Variants in AFF3 observed in about 807,000 individuals in gnomAD.
AFF3 encodes the protein AF4/FMR2 family member 3.
A neutral mutation model predicts 129.7 loss-of-function variants in AFF3; 32 were observed. That is an observed-to-expected ratio of 0.25 (90% CI 0.19 to 0.33). The LOEUF is 0.33. AFF3 is among the 10% of genes least tolerant of loss of function. The pLI is 1.00. For missense variants in AFF3, 1,373 were observed against 1,592.0 expected (o/e 0.86, Z 2.34); for synonymous variants, 644 against 635.4 (o/e 1.01, Z -0.20).
At chr2:99,902,933 C>A (rs1036134746) in intron 7 of AFF3, among the ~76,000 whole-genome samples, 2 of 152,054 alleles carry the variant, frequency 1.3e-5, no homozygotes, top group Admixed American at 6.5e-5. Context: ...TCAAATTTTT[C>A]TTTCTCTTTT....
chr2:100,043,598 T>TA lies in AFF3; in HGVS notation c.54-34667dup, dbSNP rs201632593. The stretch of plus-strand genomic sequence containing the variant: ...AGATGAAGGAAAAAATAGCTGCATT[T>TA]AAAAAAAAAGTTTCATAATGCAGGA... On this transcript the variant is annotated intron_variant, in intron 4 of 24. Coordinates refer to ENST00000672756, the MANE Select transcript of AFF3 (RefSeq NM_001386135.1). Among the ~76,000 whole-genome samples the TA allele has an allele frequency of 6.7e-4, 102 of 151,672 alleles. 2 individuals carry two copies. In the East Asian group the frequency reaches 0.012, roughly 17 times the overall value.
At chr2:100,048,360 C>T (rs1686008896) in intron 4 of AFF3, among the ~76,000 whole-genome samples, 2 of 152,218 alleles carry the variant, frequency 1.3e-5, no homozygotes, top group South Asian at 4.1e-4. Context: ...CCTGTTATCA[C>T]AAGCTTCATT....
intron 12 of AFF3, among the ~76,000 whole-genome samples, chr2:99,666,206 A>T (rs943795996): frequency 6.6e-6 from 1 of 152,218 alleles, no homozygotes. Context: ...TGAATAAGAT[A>T]CACGGTGAAA....
chr2:100,006,548 G>C (rs908066079), intron 7 of AFF3, 84 bp downstream of exon 7: 3 of 1,464,394 alleles, frequency 2.0e-6, no homozygotes, highest in Non-Finnish European at 2.7e-6. Context: ...TGAAAAAAAA[G>C]AAACATGGAA....
chr2:99,710,582 A>C (rs1677802382), intron 11 of AFF3, among the ~76,000 whole-genome samples: 1 of 152,142 alleles, frequency 6.6e-6, no homozygotes, highest in African/African-American at 2.4e-5. Context: ...ATCATGATAT[A>C]CCAACACCTG....
chr2:99,565,582 T>C lies in AFF3; in HGVS notation c.3024A>G (p.Ala1008=). The change falls in exon 20 of 25, where the codon GCA becomes GCG. Residue 1008 remains alanine, a synonymous_variant. Coordinates refer to ENST00000672756, the MANE Select transcript of AFF3 (RefSeq NM_001386135.1). ...CATTTCCACACTCGATAAACGACAATGCTGCTTCAGCATAGTTCAAAGCCT... is the reference window on the plus strand; with the variant it reads ...CATTTCCACACTCGATAAACGACAACGCTGCTTCAGCATAGTTCAAAGCCT... The part of the protein sequence containing the change: ...FGKALNYAEA[A]LSFIECGNAM... 6.2e-7 allele frequency: 1 copy of C among 1,614,246 alleles called. No individual in the cohort carries two copies. Among genetic ancestry groups the C allele is most frequent in the Non-Finnish European group, 8.5e-7 (1 of 1,180,044 alleles).
intron 14 of AFF3, among the ~76,000 whole-genome samples, chr2:99,598,517 C>T (rs1679510763): frequency 6.6e-6 from 1 of 152,210 alleles, no homozygotes. Flanking sequence ...GCTCTCAACA[C>T]ACACAGCCAG....
chr2:99,895,535 A>G (rs986636059), intron 7 of AFF3, among the ~76,000 whole-genome samples: 1 of 152,166 alleles, frequency 6.6e-6, no homozygotes, highest in Admixed American at 6.5e-5. Flanking sequence ...TCAGTTTTAT[A>G]AAGAGGCCAC....
intron 1 of AFF3, among the ~76,000 whole-genome samples, chr2:100,139,087 G>T (rs943860808): frequency 1.3e-5 from 2 of 152,174 alleles, no homozygotes; most frequent in Non-Finnish European, 2.9e-5. Context: ...ATGAAGGGCG[G>T]AAGGGAAGTG....
chr2:100,006,387 CCTAA>C (rs946206918), intron 7 of AFF3: 18 of 414,360 alleles, frequency 4.3e-5, no homozygotes, highest in Non-Finnish European at 6.3e-5. Context: ...ACATTCCTTC[CCTAA>C]CTAATACATA....
chr2:99,733,840 T>C (rs571237704), intron 10 of AFF3, among the ~76,000 whole-genome samples: 1 of 152,338 alleles, frequency 6.6e-6, no homozygotes, highest in South Asian at 2.1e-4. Flanking sequence ...AGCTTTAATA[T>C]ATATTTAAAA....
intron 8 of AFF3, among the ~76,000 whole-genome samples, chr2:99,821,937 A>G (rs1384032468): frequency 6.6e-6 from 1 of 152,138 alleles, no homozygotes; most frequent in East Asian, 1.9e-4. Context: ...ACAACCTTTC[A>G]TTTCCCCAAG....
intron 7 of AFF3, among the ~76,000 whole-genome samples, chr2:99,875,506 T>C (rs753196852): frequency 6.6e-6 from 1 of 152,212 alleles, no homozygotes; most frequent in Non-Finnish European, 1.5e-5. Context: ...GGTAGAGACC[T>C]TGCATTTTTG....
chr2:99,629,612 T>C (rs533074925), intron 13 of AFF3, among the ~76,000 whole-genome samples: 8 of 152,186 alleles, frequency 5.3e-5, no homozygotes, highest in Non-Finnish European at 1.2e-4. Flanking sequence ...CTCAGTCGGT[T>C]TGGGCTGGCT....
chr2:99,576,515 C>CAAAA (rs776848009), intron 18 of AFF3, among the ~76,000 whole-genome samples: 3 of 63,094 alleles, frequency 4.8e-5, no homozygotes, highest in African/African-American at 1.2e-4. Context: ...GACCCTGTCT[C>CAAAA]AAAAAAAAAA....
chr2:100,026,529 C>T (rs761599484), intron 4 of AFF3, among the ~76,000 whole-genome samples: 3 of 152,024 alleles, frequency 2.0e-5, no homozygotes, highest in Non-Finnish European at 2.9e-5. Context: ...ACTATTTGAT[C>T]CTGCAATCCC....
chr2:99,857,666 T>G (rs965485628), intron 7 of AFF3, among the ~76,000 whole-genome samples: 4 of 152,238 alleles, frequency 2.6e-5, no homozygotes, highest in Non-Finnish European at 4.4e-5. Context: ...CTGTGTCTGA[T>G]GGTGAAGGAT....
chr2:99,966,889 A>G (rs113705719), intron 7 of AFF3, among the ~76,000 whole-genome samples: 51 of 152,222 alleles, frequency 3.4e-4, no homozygotes, highest in African/African-American at 1.2e-3. Flanking sequence ...AATTGGAAAC[A>G]GATTAATAGC....
At chr2:99,735,680 A>G (rs1680195628) in intron 10 of AFF3, among the ~76,000 whole-genome samples, 3 of 152,082 alleles carry the variant, frequency 2.0e-5, no homozygotes, top group Admixed American at 1.3e-4. Context: ...TTTAGTAGAG[A>G]TGGGGTTTCA....
Sources: gnomAD v4.1 joint callset for allele counts (sites outside exome capture counted in the v4.1 genomes callset) on GRCh38, gnomAD v4.1.1 for gene constraint, MANE v1.5 for transcripts, NCBI Gene and HGNC (gene_info 2026-07-23, HGNC 2026-07-21) for gene names.